Variants in EBF1 observed in about 807,000 individuals in gnomAD.
EBF1 encodes EBF transcription factor 1.
Under a neutral mutation model 68.4 loss-of-function variants are expected in EBF1, and 10 were observed. The observed-to-expected ratio is 0.15, with a 90% CI of 0.09 to 0.25. EBF1 has a LOEUF of 0.25. Ranked by LOEUF, EBF1 falls within the 10% of genes least tolerant of loss-of-function variation. The pLI is 1.00. For missense variants in EBF1, 509 were observed against 794.4 expected (o/e 0.64, Z 4.32); for synonymous variants, 298 against 299.8 (o/e 0.99, Z 0.06).
intron 10 of EBF1, among the ~76,000 whole-genome samples, chr5:158,774,843 C>T (rs568036821): frequency 6.6e-6 from 1 of 151,856 alleles, no homozygotes; most frequent in South Asian, 2.1e-4. Flanking sequence ...AACACAGATT[C>T]CCTTTCATCA....
rs2127488477 is a variant in EBF1, at chr5:158,712,257, G to A, written c.1446C>T (p.Asn482=). The A allele has an allele frequency of 6.2e-7, 1 of 1,614,112 alleles. No homozygotes were observed. Among genetic ancestry groups the A allele is most frequent in the Non-Finnish European group, 8.5e-7 (1 of 1,179,996 alleles). Residue 482 remains asparagine (N), a synonymous_variant, in exon 14 of 16, where the codon AAC becomes AAT. Transcript: ENST00000313708. ...ATCCGTTCATGCTCGTGGTGACGGA[G>A]TTATAGTTGGTCTGCTGGGGAGTGG... ...PSTTPQQTNY[N]SVTTSMNGYG... is the part of the protein sequence containing the mutation.
intron 6 of EBF1, among the ~76,000 whole-genome samples, chr5:159,048,912 A>G (rs1333324816): frequency 6.6e-6 from 1 of 152,246 alleles, no homozygotes; most frequent in East Asian, 1.9e-4. Context: ...TGGAAGCAGT[A>G]CACAGTAAGT....
At chr5:158,771,771 C>T (rs948566338) in intron 10 of EBF1, among the ~76,000 whole-genome samples, 2 of 152,094 alleles carry the variant, frequency 1.3e-5, no homozygotes, top group African/African-American at 2.4e-5. Context: ...ACAGGGAGCA[C>T]CAAAGTCAGT....
chr5:158,787,747 GATTA>G (rs771679624), intron 9 of EBF1, among the ~76,000 whole-genome samples: 7 of 152,120 alleles, frequency 4.6e-5, no homozygotes, highest in African/African-American at 9.7e-5. Context: ...TTATTACAAG[GATTA>G]ATTGACACAA....
At chr5:158,760,009 A>C (rs1166175536) in intron 10 of EBF1, among the ~76,000 whole-genome samples, 3 of 152,192 alleles carry the variant, frequency 2.0e-5, no homozygotes, top group Non-Finnish European at 4.4e-5. Context: ...AAAAGAACCT[A>C]GAATTCTTCG....
chr5:158,798,312 G>A (rs1779945829), intron 8 of EBF1, among the ~76,000 whole-genome samples: 1 of 152,152 alleles, frequency 6.6e-6, no homozygotes, highest in African/African-American at 2.4e-5. Flanking sequence ...GGAATCCAAT[G>A]GGGTCATTAA....
At chr5:158,891,862 A>G (rs143494140) in intron 6 of EBF1, among the ~76,000 whole-genome samples, 2 of 152,266 alleles carry the variant, frequency 1.3e-5, no homozygotes, top group African/African-American at 2.4e-5. Context: ...CTCACTGACA[A>G]ACAAATGATG....
chr5:158,760,092 A>G (rs1771076167), intron 10 of EBF1, among the ~76,000 whole-genome samples: 1 of 152,160 alleles, frequency 6.6e-6, no homozygotes, highest in Non-Finnish European at 1.5e-5. Flanking sequence ...TTTGTCCTTT[A>G]AGACTTTAGA....
chr5:158,698,933 C>A lies in EBF1; in HGVS notation c.*178G>T. On this transcript the variant is annotated 3_prime_UTR_variant, in exon 16 of 16. Coordinates refer to ENST00000313708, the MANE Select transcript of EBF1 (RefSeq NM_024007.5). ...TAACCAACACCCTGCACTTGCAGAT[C>A]CCTCTTCCAATTTCAGTATTTGCAA... 2.0e-6 allele frequency: 1 copy of A among 489,268 alleles called. No individual in the cohort carries two copies. Among genetic ancestry groups the A allele is most frequent in the Non-Finnish European group, 3.6e-6 (1 of 280,684 alleles). 30.3% of individuals were successfully genotyped at this position (489,268 alleles called of 1,614,324 possible).
chr5:158,821,935 T>C (rs1383965425), intron 8 of EBF1, among the ~76,000 whole-genome samples: 1 of 152,136 alleles, frequency 6.6e-6, no homozygotes, highest in East Asian at 1.9e-4. Flanking sequence ...ATCTGGCTAA[T>C]TAATAAAAAG....
At chr5:158,973,676 AAGTAACT>A (rs1756124986) in intron 6 of EBF1, among the ~76,000 whole-genome samples, 1 of 152,176 alleles carries the variant, frequency 6.6e-6, no homozygotes, top group Non-Finnish European at 1.5e-5. Context: ...TTATACCCCC[AAGTAACT>A]AGCACACAGA....
chr5:158,824,822 C>T (rs1785690470), intron 7 of EBF1, among the ~76,000 whole-genome samples: 2 of 152,368 alleles, frequency 1.3e-5, no homozygotes, highest in South Asian at 4.1e-4. Context: ...CACTGTCCTC[C>T]TCGTTGACCT....
intron 9 of EBF1, among the ~76,000 whole-genome samples, chr5:158,788,717 T>C (rs1405211469): frequency 1.3e-5 from 2 of 152,188 alleles, no homozygotes; most frequent in Non-Finnish European, 2.9e-5. Flanking sequence ...AATTCTGTCA[T>C]TGATTCATAT....
intron 6 of EBF1, among the ~76,000 whole-genome samples, chr5:159,044,550 C>A (rs1221258551): frequency 3.3e-5 from 5 of 152,136 alleles, no homozygotes; most frequent in Admixed American, 3.3e-4. Context: ...ACTAATCATT[C>A]CTCTCTCTTC....
chr5:159,031,374 G>A (rs1213549616), intron 6 of EBF1, among the ~76,000 whole-genome samples: 1 of 152,160 alleles, frequency 6.6e-6, no homozygotes, highest in South Asian at 2.1e-4. Flanking sequence ...GAAAAAATCT[G>A]GACATTTGGG....
chr5:158,894,983 C>T (rs895537749), intron 6 of EBF1, among the ~76,000 whole-genome samples: 1 of 152,044 alleles, frequency 6.6e-6, no homozygotes, highest in Non-Finnish European at 1.5e-5. Context: ...TATGTAACAA[C>T]CCATCAGTGA....
rs773725642 is a variant in EBF1, at chr5:159,099,802, C to CT, written c.-325dup. On this transcript the variant is annotated 5_prime_UTR_variant, in exon 1 of 16. Transcript: ENST00000313708. ...GGTTGGTTGATTTTTGGTTTGGGTG[C>CT]TTTTTTTTTTTTTTTGCTTTTTTTT... 0.21 allele frequency: 8,638 copies of CT among 40,646 alleles called. 1,462 individuals carry two copies. Among genetic ancestry groups the CT allele is most frequent in the East Asian group, 0.27 (427 of 1,558 alleles). The allele number at this position is 40,646 out of a possible 1,614,324, so 2.5% of individuals were successfully genotyped here. A position where few individuals can be genotyped will look rare whatever the true frequency, so the allele number is the denominator to read the frequency against.
At chr5:158,907,036 G>A (rs1291707882) in intron 6 of EBF1, among the ~76,000 whole-genome samples, 1 of 152,210 alleles carries the variant, frequency 6.6e-6, no homozygotes, top group Non-Finnish European at 1.5e-5. Context: ...GTCTAGGACT[G>A]GGGGACATCC....
At chr5:158,939,793 A>G (rs1812850663) in intron 6 of EBF1, among the ~76,000 whole-genome samples, 1 of 152,130 alleles carries the variant, frequency 6.6e-6, no homozygotes, top group Non-Finnish European at 1.5e-5. Flanking sequence ...CTACCTCAGA[A>G]ATCATCTAAC....
Sources: allele counts gnomAD v4.1 joint callset (sites outside exome capture counted in the v4.1 genomes callset), GRCh38; gene constraint gnomAD v4.1.1; transcripts MANE v1.5; gene names NCBI Gene and HGNC (gene_info 2026-07-23, HGNC 2026-07-21).